TENM4: variants seen among roughly 807,000 people sequenced by gnomAD.
TENM4 encodes the protein teneurin-4.
A neutral mutation model predicts 243.3 loss-of-function variants in TENM4; 82 were observed. The ratio of observed to expected loss-of-function variants is 0.34; its 90% confidence interval spans 0.28 to 0.40. The LOEUF is 0.40. Ranked by LOEUF, TENM4 falls within the 10% of genes least tolerant of loss-of-function variation. The pLI is 1.00. For synonymous variants in TENM4, 1,412 were observed against 1,456.3 expected (o/e 0.97, Z 0.69); for missense variants, 3,138 against 3,673.3 (o/e 0.85, Z 3.77).
At chr11:78,944,385 AC>A (rs1470598013) in intron 6 of TENM4, among the ~76,000 whole-genome samples, 1 of 152,196 alleles carries the variant, frequency 6.6e-6, no homozygotes, top group Non-Finnish European at 1.5e-5. Context: ...ATGTCTGGGA[AC>A]CTAGGCTCTG....
intron 6 of TENM4, among the ~76,000 whole-genome samples, chr11:79,011,221 C>A (rs776534716): frequency 2.6e-5 from 4 of 152,194 alleles, no homozygotes; most frequent in Admixed American, 2.0e-4. Flanking sequence ...AGAGGGTGCT[C>A]GCTCAGCTTT....
intron 6 of TENM4, among the ~76,000 whole-genome samples, chr11:79,043,183 C>T (rs1859579893): frequency 6.6e-6 from 1 of 152,222 alleles, no homozygotes. Context: ...TTACTTAAGT[C>T]TGTTCACTTG....
In TENM4 at chr11:78,669,693, C is replaced by T. The variant is rs764096276; in HGVS notation, c.6652G>A (p.Asp2218Asn). ...NDKPLWRYSY[D>N]LNGNLHLLSP... ...AGTAAGTGCAGGTTCCCATTGAGGT[C>T]GTAGCTGTAGCGCCAGAGTGGCTTG... Residue 2218 changes from aspartate (D) to asparagine (N), a missense_variant, in exon 32 of 34, where the codon GAC becomes AAC. Coordinates refer to ENST00000278550, the MANE Select transcript of TENM4 (RefSeq NM_001098816.3). The surrounding 1 kb of genome is among the most constrained non-coding windows in gnomAD (Gnocchi z 6.4). 28 of 1,613,828 alleles carry T rather than the reference C, an allele frequency of 1.7e-5. No individual in the cohort carries two copies. The highest frequency in any genetic ancestry group is 1.1e-4 in the African/African-American group (8 of 74,908).
intron 6 of TENM4, among the ~76,000 whole-genome samples, chr11:78,979,819 T>C (rs907560200): frequency 6.6e-5 from 10 of 152,180 alleles, no homozygotes; most frequent in Admixed American, 5.9e-4. Context: ...GGGCTCTAGA[T>C]CCATCATCAG....
intron 1 of TENM4, among the ~76,000 whole-genome samples, chr11:79,347,872 C>T (rs1003308447): frequency 3.4e-5 from 5 of 148,026 alleles, no homozygotes; most frequent in Non-Finnish European, 7.4e-5. Context: ...CTCCGCTTCC[C>T]GGGTTCACGC....
intron 6 of TENM4, among the ~76,000 whole-genome samples, chr11:78,918,720 G>A (rs117897443): frequency 0.023 from 3,496 of 152,144 alleles, 67 homozygotes; most frequent in Middle Eastern, 0.051. Flanking sequence ...ATTGGGATTC[G>A]GAGGCACATC....
At chr11:78,885,875 T>C (rs1855537390) in intron 9 of TENM4, among the ~76,000 whole-genome samples, 1 of 152,188 alleles carries the variant, frequency 6.6e-6, no homozygotes. Flanking sequence ...CAGTGAGCTA[T>C]GACTGTGCCG....
chr11:79,154,377 A>G (rs1361454471), intron 3 of TENM4, among the ~76,000 whole-genome samples: 2 of 152,136 alleles, frequency 1.3e-5, no homozygotes, highest in Non-Finnish European at 2.9e-5. Flanking sequence ...TACCATGAAG[A>G]GAGCACCAAA....
chr11:79,383,229 T>G (rs985235202), intron 1 of TENM4, among the ~76,000 whole-genome samples: 1 of 152,232 alleles, frequency 6.6e-6, no homozygotes, highest in African/African-American at 2.4e-5. Flanking sequence ...GCTTCAGTGC[T>G]GCCTAGCACT....
At chr11:79,311,317 A>G (rs1447758191) in intron 1 of TENM4, among the ~76,000 whole-genome samples, 1 of 152,188 alleles carries the variant, frequency 6.6e-6, no homozygotes, top group Admixed American at 6.5e-5. Context: ...TATGCCTCAC[A>G]GGACTTCTGC....
intron 10 of TENM4, 33 bp from the exon 11 acceptor site, chr11:78,856,211 A>G: frequency 1.3e-6 from 2 of 1,542,318 alleles, no homozygotes; most frequent in African/African-American, 2.7e-5. Flanking sequence ...AGACAAAGAC[A>G]TCTCGGTTAG....
chr11:78,734,949 T>C (rs1206329707), intron 20 of TENM4, among the ~76,000 whole-genome samples: 2 of 152,234 alleles, frequency 1.3e-5, no homozygotes, highest in Non-Finnish European at 2.9e-5. Flanking sequence ...CAGTTAAATC[T>C]AAGGTTCATC....
intron 12 of TENM4, among the ~76,000 whole-genome samples, chr11:78,818,197 G>A (rs1357024766): frequency 6.6e-6 from 1 of 152,050 alleles, no homozygotes; most frequent in African/African-American, 2.4e-5. Flanking sequence ...AAACCCAATG[G>A]TATAAAGTAT....
intron 15 of TENM4, among the ~76,000 whole-genome samples, chr11:78,804,977 G>A (rs1857357793): frequency 6.6e-6 from 1 of 152,146 alleles, no homozygotes; most frequent in Non-Finnish European, 1.5e-5. Flanking sequence ...CTATGGCCTT[G>A]CCTCCAGGGA....
chr11:79,267,860 G>GA (rs1855907087), intron 2 of TENM4, among the ~76,000 whole-genome samples: 1 of 152,254 alleles, frequency 6.6e-6, no homozygotes, highest in East Asian at 1.9e-4. Flanking sequence ...CTTCATTACT[G>GA]AAAAATCCCA....
intron 6 of TENM4, among the ~76,000 whole-genome samples, chr11:79,018,786 C>T (rs1858845384): frequency 6.6e-6 from 1 of 152,222 alleles, no homozygotes; most frequent in African/African-American, 2.4e-5. Flanking sequence ...ATGTTATTCA[C>T]TGACATTTTT....
chr11:78,865,782 G>A (rs1234238720), intron 9 of TENM4, among the ~76,000 whole-genome samples: 1 of 152,158 alleles, frequency 6.6e-6, no homozygotes, highest in Non-Finnish European at 1.5e-5. Context: ...GGTTACTGTG[G>A]TACAGGAGAA....
intron 6 of TENM4, among the ~76,000 whole-genome samples, chr11:78,988,821 T>C (rs149480499): frequency 3.1e-4 from 47 of 152,324 alleles, no homozygotes; most frequent in Middle Eastern, 3.4e-3. Context: ...ACTACAGGCA[T>C]GTGCCACCAT....
intron 1 of TENM4, among the ~76,000 whole-genome samples, chr11:79,325,997 C>T (rs1300223382): frequency 6.6e-6 from 1 of 152,240 alleles, no homozygotes; most frequent in Non-Finnish European, 1.5e-5. Flanking sequence ...CGCATCTCTG[C>T]GTGCGTCTCC....
Sources: allele counts gnomAD v4.1 joint callset (sites outside exome capture counted in the v4.1 genomes callset), GRCh38; gene constraint gnomAD v4.1.1; non-coding constraint Gnocchi (gnomAD v3.1); transcripts MANE v1.5; gene names NCBI Gene and HGNC (gene_info 2026-07-23, HGNC 2026-07-21).